FSTL4: variants seen among roughly 807,000 people sequenced by gnomAD.
FSTL4 encodes follistatin like 4.
FSTL4 carries 28 observed loss-of-function variants against 78.2 expected under a neutral mutation model. The observed-to-expected ratio is 0.36, with a 90% confidence interval of 0.27 to 0.49. FSTL4 has a LOEUF of 0.49. Among genes scored for constraint, FSTL4 ranks in the 20% least tolerant of loss-of-function variants. FSTL4 has a pLI of 0.98. For synonymous variants in FSTL4, 422 were observed against 440.5 expected (o/e 0.96, Z 0.53); for missense variants, 922 against 1,084.9 (o/e 0.85, Z 2.11).
intron 3 of FSTL4, among the ~76,000 whole-genome samples, chr5:133,564,023 G>A (rs990793252): frequency 6.6e-6 from 1 of 152,252 alleles, no homozygotes; most frequent in East Asian, 1.9e-4. Flanking sequence ...TAAGGGGCTG[G>A]CAGGGCTATG....
chr5:133,781,126 T>C, the FSTL4 span, among the ~76,000 whole-genome samples: 1 of 152,162 alleles, frequency 6.6e-6, no homozygotes, highest in Non-Finnish European at 1.5e-5. Context: ...TCCCTGGTGA[T>C]CACCTCCAGC....
At chr5:133,712,478 C>G in the FSTL4 span, among the ~76,000 whole-genome samples, 1 of 152,198 alleles carries the variant, frequency 6.6e-6, no homozygotes, top group Non-Finnish European at 1.5e-5. Flanking sequence ...CTGGTCCCAG[C>G]TCTTTCCAGC....
At chr5:133,610,488 G>T (rs1388555029) in intron 1 of FSTL4, among the ~76,000 whole-genome samples, 2 of 152,250 alleles carry the variant, frequency 1.3e-5, no homozygotes, top group Non-Finnish European at 2.9e-5. Context: ...ATTTAGCAGA[G>T]TATGGCAGAA....
chr5:133,398,777 GA>G (rs1423969751), intron 4 of FSTL4, among the ~76,000 whole-genome samples: 13 of 152,160 alleles, frequency 8.5e-5, no homozygotes, highest in Admixed American at 8.5e-4. Context: ...ACACAGCTGG[GA>G]AGTACCAGAA....
intron 3 of FSTL4, among the ~76,000 whole-genome samples, chr5:133,531,671 T>C (rs1199998490): frequency 3.9e-5 from 6 of 152,146 alleles, no homozygotes; most frequent in South Asian, 2.1e-4. Flanking sequence ...AATGAGAAAG[T>C]AGAAAGGGAA....
At chr5:133,307,113 T>C (rs1176976111) in intron 6 of FSTL4, among the ~76,000 whole-genome samples, 1 of 152,178 alleles carries the variant, frequency 6.6e-6, no homozygotes, top group Non-Finnish European at 1.5e-5. Context: ...CTGTCCAAAG[T>C]CACACAGTTA....
intron 3 of FSTL4, among the ~76,000 whole-genome samples, chr5:133,503,968 G>T (rs188208648): frequency 6.6e-6 from 1 of 152,168 alleles, no homozygotes; most frequent in Non-Finnish European, 1.5e-5. Flanking sequence ...TCTTCACAAT[G>T]GTGGGAGGAA....
At position 133,198,367 on chromosome 5, in the gene FSTL4, T is replaced by G. The variant is rs3798103; in HGVS notation, c.*728A>C. ...ATTCTCAGATGACCATTGTTCTTTC[T>G]GGCTGTGGGATGTGGGGTTGTGACC... On this transcript the variant is annotated 3_prime_UTR_variant, in exon 16 of 16. Transcript: ENST00000265342. 0.23 allele frequency: 34,873 copies of G among 152,478 alleles called. 4,927 individuals are homozygous for G. The highest frequency in any genetic ancestry group is 0.44 in the East Asian group (2,278 of 5,178). 9.4% of individuals were successfully genotyped at this position (152,478 alleles called of 1,614,324 possible).
the FSTL4 span, among the ~76,000 whole-genome samples, chr5:133,783,253 G>A: frequency 8.5e-5 from 13 of 152,212 alleles, no homozygotes; most frequent in South Asian, 4.2e-4. Flanking sequence ...GCTCTCTCAC[G>A]TGACTTCTAA....
At chr5:133,603,595 A>G (rs1464389274) in intron 2 of FSTL4, among the ~76,000 whole-genome samples, 3 of 152,234 alleles carry the variant, frequency 2.0e-5, no homozygotes, top group Non-Finnish European at 4.4e-5. Context: ...GTCTTTGTAG[A>G]GACTAACCAG....
chr5:133,573,943 C>A (rs967074802), intron 2 of FSTL4, among the ~76,000 whole-genome samples: 4 of 152,158 alleles, frequency 2.6e-5, no homozygotes, highest in African/African-American at 9.7e-5. Flanking sequence ...GCAACTAAGT[C>A]TCTATAAGAT....
Position 133,426,375 on chromosome 5 carries a change from T to C in FSTL4, c.161-25389A>G, listed in dbSNP as rs916631899. 4.6e-5 allele frequency among the ~76,000 whole-genome samples: 7 copies of C among 152,160 alleles called. No individual in the cohort carries two copies. The highest frequency in any genetic ancestry group is 4.6e-4 in the Admixed American group (7 of 15,274). On this transcript the variant is annotated intron_variant, in intron 3 of 15. Transcript: ENST00000265342. This position sits in a 1 kb window ranked among gnomAD's most constrained non-coding sequence, Gnocchi z 5.0. The stretch of plus-strand genomic sequence containing the variant: ...GGACCAGTGGCTTGGGTCTCCTGCA[T>C]AATGAGCCCATGTCACTTCATGGGG...
At chr5:133,278,175 A>C (rs1752929667) in intron 6 of FSTL4, among the ~76,000 whole-genome samples, 1 of 152,176 alleles carries the variant, frequency 6.6e-6, no homozygotes, top group African/African-American at 2.4e-5. Context: ...ATTCAGAAGC[A>C]GAGAGGTCCC....
chr5:133,760,191 C>T, the FSTL4 span, among the ~76,000 whole-genome samples: 1 of 152,152 alleles, frequency 6.6e-6, no homozygotes, highest in Non-Finnish European at 1.5e-5. Context: ...GACAGGAACA[C>T]CAGAATGGCC....
chr5:133,668,463 T>C, the FSTL4 span, among the ~76,000 whole-genome samples: 3 of 152,218 alleles, frequency 2.0e-5, no homozygotes, highest in Non-Finnish European at 2.9e-5. Context: ...CCTTCTCAGA[T>C]ACCATACCAT....
chr5:133,527,970 A>C (rs958074303), intron 3 of FSTL4, among the ~76,000 whole-genome samples: 8 of 152,202 alleles, frequency 5.3e-5, no homozygotes, highest in African/African-American at 1.9e-4. Flanking sequence ...TAGCTCCTCC[A>C]AGCCAGATGC....
chr5:133,705,759 C>A, the FSTL4 span, among the ~76,000 whole-genome samples: 1 of 151,980 alleles, frequency 6.6e-6, no homozygotes, highest in Non-Finnish European at 1.5e-5. Context: ...CATCCAGAGC[C>A]CTTTCCCCTC....
chr5:133,604,705 G>T (rs12517760), intron 1 of FSTL4, among the ~76,000 whole-genome samples: 32,393 of 151,976 alleles, frequency 0.21, 3,595 homozygotes, highest in East Asian at 0.26. Context: ...TGAGACTCTT[G>T]TCTCAAAAAA....
intron 4 of FSTL4, among the ~76,000 whole-genome samples, chr5:133,351,174 C>G (rs776025833): frequency 6.6e-6 from 1 of 152,266 alleles, no homozygotes; most frequent in South Asian, 2.1e-4. Context: ...AATATTATTC[C>G]ATTGTGTTCT....
Sources: gnomAD v4.1 joint callset for allele counts (sites outside exome capture counted in the v4.1 genomes callset) on GRCh38, gnomAD v4.1.1 for gene constraint, Gnocchi (gnomAD v3.1) non-coding constraint, MANE v1.5 for transcripts, NCBI Gene and HGNC (gene_info 2026-07-23, HGNC 2026-07-21) for gene names.